TUBB2B: variants seen among roughly 807,000 people sequenced by gnomAD.
TUBB2B encodes tubulin beta 2B class IIb.
TUBB2B carries 5 observed loss-of-function variants against 35.0 expected under a neutral mutation model. That is an observed-to-expected ratio of 0.14 (90% CI 0.07 to 0.30). The LOEUF is 0.30. TUBB2B is among the 10% of genes least tolerant of loss of function. The pLI is 1.00. For missense variants in TUBB2B, 63 were observed against 601.8 expected, an observed-to-expected ratio of 0.10 and a Z score of 9.37; for synonymous variants, 166 against 250.5, an observed-to-expected ratio of 0.66 and a Z score of 3.18.
In TUBB2B at chr6:3,226,891, G is replaced by T. The variant is rs968493232; in HGVS notation, c.58-222C>A. Among the ~76,000 whole-genome samples the T allele has an allele frequency of 3.3e-4, 50 of 152,206 alleles. No individual in the cohort carries two copies. Among genetic ancestry groups the T allele is most frequent in the South Asian group, 6.2e-4 (3 of 4,832 alleles). ...AAACAGCTGCCGCTCGCGGGGGGAG[G>T]TAGGGGTCGAGGGGGTAAGGACCAG... On this transcript the variant is annotated intron_variant, in intron 1 of 3. Coordinates refer to ENST00000259818, the MANE Select transcript of TUBB2B (RefSeq NM_178012.5). This position sits in a 1 kb window ranked among gnomAD's most constrained non-coding sequence, Gnocchi z 5.5.
At position 3,226,753 on chromosome 6, in the gene TUBB2B, C is replaced by T. The variant is rs185618266; in HGVS notation, c.58-84G>A. On this transcript the variant is annotated intron_variant, in intron 1 of 3. Transcript: ENST00000259818. This position sits in a 1 kb window ranked among gnomAD's most constrained non-coding sequence, Gnocchi z 5.5. ...CAATGAAATGTCCCCGACTCAGTTC[C>T]GACAACCCAACATTTCAGGAGCTTG... The T allele has an allele frequency of 6.9e-5, 81 of 1,181,486 alleles. No homozygotes were observed. The African/African-American group carries it at 9.5e-4, about 14-fold the overall frequency. The allele number at this position is 1,181,486 out of a possible 1,614,324, so 73.2% of individuals were successfully genotyped here.
Position 3,226,705 on chromosome 6 carries a change from G to A in TUBB2B, c.58-36C>T. The A allele has an allele frequency of 1.9e-6, 3 of 1,552,226 alleles. No homozygotes were observed. The highest frequency in any genetic ancestry group is 2.7e-6 in the Non-Finnish European group (3 of 1,123,532). On this transcript the variant is annotated intron_variant, in intron 1 of 3. Coordinates refer to ENST00000259818, the MANE Select transcript of TUBB2B (RefSeq NM_178012.5). The surrounding 1 kb of genome is among the most constrained non-coding windows in gnomAD (Gnocchi z 5.5). ...AAGGCTGCATTTAGCCATGAACGAT[G>A]CCCCCAGAAACGCCAAGGCTCACAA...
chr6:3,226,147 C>T lies in TUBB2B; in HGVS notation c.277+12G>A, dbSNP rs1394526734. 1.2e-6 allele frequency: 2 copies of T among 1,610,860 alleles called. No homozygotes were observed. Among genetic ancestry groups the T allele is most frequent in the South Asian group, 1.1e-5 (1 of 90,996 alleles). On this transcript the variant is annotated intron_variant, in intron 3 of 3. Transcript: ENST00000259818. This position sits in a 1 kb window ranked among gnomAD's most constrained non-coding sequence, Gnocchi z 5.5. ...TGAATCCCTCATGCTCTCAGCCACACCAGGCACTCACCAAACACGAAATTG... is the reference window on the plus strand; with the variant it reads ...TGAATCCCTCATGCTCTCAGCCACATCAGGCACTCACCAAACACGAAATTG...
chr6:3,227,645 C>T lies in TUBB2B; in HGVS notation c.-102G>A. The stretch of plus-strand genomic sequence containing the variant: ...CACCGGGAAGGCGCTCGGGAACCGA[C>T]GGGCTGAGAGCGCCGGCCCCGCGGG... On this transcript the variant is annotated 5_prime_UTR_variant, in exon 1 of 4. Coordinates refer to ENST00000259818, the MANE Select transcript of TUBB2B (RefSeq NM_178012.5). The surrounding 1 kb of genome is among the most constrained non-coding windows in gnomAD (Gnocchi z 7.8). 4 of 1,519,706 alleles carry T rather than the reference C, an allele frequency of 2.6e-6. No homozygotes were observed. Among genetic ancestry groups the T allele is most frequent in the African/African-American group, 1.4e-5 (1 of 72,564 alleles). The allele number at this position is 1,519,706 out of a possible 1,614,324, so 94.1% of individuals were successfully genotyped here. A position where few individuals can be genotyped will look rare whatever the true frequency, so the allele number is the denominator to read the frequency against.
Position 3,224,632 on chromosome 6 carries a change from C to T in TUBB2B, c.*119G>A. On this transcript the variant is annotated 3_prime_UTR_variant, in exon 4 of 4. Transcript: ENST00000259818. ...GCAACAGTGAAGAGCACCAGAGACC[C>T]AGCGCACACCTAAAGTAGACCATGC... The T allele has an allele frequency of 6.8e-7, 1 of 1,460,316 alleles. No homozygotes were observed. The highest frequency in any genetic ancestry group is 9.3e-7 in the Non-Finnish European group (1 of 1,078,626). 90.5% of individuals were successfully genotyped at this position (1,460,316 alleles called of 1,614,324 possible). A position where few individuals can be genotyped will look rare whatever the true frequency, so the allele number is the denominator to read the frequency against.
At position 3,226,895 on chromosome 6, in the gene TUBB2B, G is replaced by A. The variant is rs1000376011; in HGVS notation, c.58-226C>T. On this transcript the variant is annotated intron_variant, in intron 1 of 3. Coordinates refer to ENST00000259818, the MANE Select transcript of TUBB2B (RefSeq NM_178012.5). This position sits in a 1 kb window ranked among gnomAD's most constrained non-coding sequence, Gnocchi z 5.5. ...AGCTGCCGCTCGCGGGGGGAGGTAG[G>A]GGTCGAGGGGGTAAGGACCAGCCAA... is the stretch of plus-strand genomic sequence containing the variant. Among the ~76,000 whole-genome samples, 8 of 152,140 alleles carry A rather than the reference G, an allele frequency of 5.3e-5. No homozygotes were observed. Among genetic ancestry groups the A allele is most frequent in the African/African-American group, 1.7e-4 (7 of 41,442 alleles).
rs767264363 is a variant in TUBB2B at position 3,226,529 on chromosome 6, G to A, written c.166+32C>T. 6 of 1,592,044 alleles carry A rather than the reference G, an allele frequency of 3.8e-6. No homozygotes were observed. The East Asian group carries it at 1.1e-4, about 30-fold the overall frequency. ...GGAAAGGGGAGAAGGTGGAAAAACTGAAGGGAGTGGGGGTGGGGCAAGGGT... is the reference window on the plus strand; with the variant it reads ...GGAAAGGGGAGAAGGTGGAAAAACTAAAGGGAGTGGGGGTGGGGCAAGGGT... On this transcript the variant is annotated intron_variant, in intron 2 of 3. Transcript: ENST00000259818. This position sits in a 1 kb window ranked among gnomAD's most constrained non-coding sequence, Gnocchi z 5.5.
chr6:3,226,731 T>A lies in TUBB2B; in HGVS notation c.58-62A>T. On this transcript the variant is annotated intron_variant, in intron 1 of 3. Coordinates refer to ENST00000259818, the MANE Select transcript of TUBB2B (RefSeq NM_178012.5). This position sits in a 1 kb window ranked among gnomAD's most constrained non-coding sequence, Gnocchi z 5.5. ...CCCCCAGAAACGCCAAGGCTCACAA[T>A]GAAATGTCCCCGACTCAGTTCCGAC... 3 of 1,384,008 alleles carry A rather than the reference T, an allele frequency of 2.2e-6. No individual in the cohort carries two copies. In the South Asian group the frequency reaches 3.5e-5, roughly 16 times the overall value. 85.7% of individuals were successfully genotyped at this position (1,384,008 alleles called of 1,614,324 possible). A position where few individuals can be genotyped will look rare whatever the true frequency, so the allele number is the denominator to read the frequency against.
chr6:3,226,532 G>C lies in TUBB2B; in HGVS notation c.166+29C>G. 6.3e-7 allele frequency: 1 copy of C among 1,595,232 alleles called. No individual in the cohort carries two copies. The highest frequency in any genetic ancestry group is 8.6e-7 in the Non-Finnish European group (1 of 1,162,662). ...AAGGGGAGAAGGTGGAAAAACTGAA[G>C]GGAGTGGGGGTGGGGCAAGGGTGAT... On this transcript the variant is annotated intron_variant, in intron 2 of 3. Transcript: ENST00000259818. The surrounding 1 kb of genome is among the most constrained non-coding windows in gnomAD (Gnocchi z 5.5).
rs1427241962 is a variant in TUBB2B, at chr6:3,224,731, A to AACCC, written c.*16_*19dup. ...CTCGCTTTCCTCCTCCGCTTTCCCT[A>AACCC]ACCCGTCTCGCGGGGGCATCTACGC... is the stretch of plus-strand genomic sequence containing the variant. On this transcript the variant is annotated 3_prime_UTR_variant, in exon 4 of 4. Transcript: ENST00000259818. The AACCC allele has an allele frequency of 6.2e-7, 1 of 1,613,436 alleles. No individual in the cohort carries two copies. The highest frequency in any genetic ancestry group is 2.2e-5 in the East Asian group (1 of 44,884).
At position 3,224,756 on chromosome 6, in the gene TUBB2B, C is replaced by T. The variant is rs754991775; in HGVS notation, c.1333G>A (p.Ala445Thr). 2 of 1,614,036 alleles carry T rather than the reference C, an allele frequency of 1.2e-6. No individual in the cohort carries two copies. Among genetic ancestry groups the T allele is most frequent in the African/African-American group, 1.3e-5 (1 of 75,040 alleles). Residue 445 changes from alanine to threonine, a missense_variant, in exon 4 of 4, where the codon GCG becomes ACG. By Grantham distance (58) the Ala-to-Thr change is moderately conservative. This residue lies in a region of TUBB2B where 14 missense variants were observed against 16.2 expected (regional missense o/e 0.86). Coordinates refer to ENST00000259818, the MANE Select transcript of TUBB2B (RefSeq NM_178012.5). ...AACCCGTCTCGCGGGGGCATCTACG[C>T]CTCGTCCTCGCCCTCCTCCTCCTCG... Reference protein sequence around the residue: ...EFEEEEGEDEA With the variant: ...EFEEEEGEDET
rs768845202 is a variant in TUBB2B, at chr6:3,226,277, GAAC to G, written c.167-11_167-9del. On this transcript the variant is annotated splice_polypyrimidine_tract_variant and intron_variant, in intron 2 of 3. Transcript: ENST00000259818. This position sits in a 1 kb window ranked among gnomAD's most constrained non-coding sequence, Gnocchi z 5.5. ...GAGGAACATATTTGTTACCTGCAAG[GAAC>G]AACAGTGACTTAGACCCTCAGGCAA... The G allele has an allele frequency of 3.7e-6, 6 of 1,609,198 alleles. No individual in the cohort carries two copies. Among genetic ancestry groups the G allele is most frequent in the Non-Finnish European group, 5.1e-6 (6 of 1,175,888 alleles).
rs13217575 is a variant in TUBB2B, at chr6:3,226,849, C to A, written c.58-180G>T. Among the ~76,000 whole-genome samples the A allele has an allele frequency of 0.024, 3,726 of 152,208 alleles. 70 individuals are homozygous for A. The highest frequency in any genetic ancestry group is 0.065 in the South Asian group (313 of 4,814). ...ATTTTGCAGGTTCAGAAAGTTGAAA[C>A]TGGGCGTTTCCCAGGCAAACAGCTG... On this transcript the variant is annotated intron_variant, in intron 1 of 3. Coordinates refer to ENST00000259818, the MANE Select transcript of TUBB2B (RefSeq NM_178012.5). This position sits in a 1 kb window ranked among gnomAD's most constrained non-coding sequence, Gnocchi z 5.5.
rs563673159 is a variant in TUBB2B, at chr6:3,224,476, A to G, written c.*275T>C. The stretch of plus-strand genomic sequence containing the variant: ...TAAATCGTTAATAAAGAGAAAAAGG[A>G]AGAGAAAGAGAGGACACCATTCCGA... On this transcript the variant is annotated 3_prime_UTR_variant, in exon 4 of 4. Transcript: ENST00000259818. 1 of 577,008 alleles carries G rather than the reference A, an allele frequency of 1.7e-6. No homozygotes were observed. The highest frequency in any genetic ancestry group is 2.2e-5 in the South Asian group (1 of 44,454). The allele number at this position is 577,008 out of a possible 1,614,324, so 35.7% of individuals were successfully genotyped here. A position where few individuals can be genotyped will look rare whatever the true frequency, so the allele number is the denominator to read the frequency against.
In TUBB2B at chr6:3,227,582, G is replaced by A. The variant is rs373510707; in HGVS notation, c.-39C>T. ...CGTCCTCCTGGTCCGGCGGCGTCTG[G>A]GTCTGTCCGTCCTCCCCTCACACAC... is the stretch of plus-strand genomic sequence containing the variant. On this transcript the variant is annotated 5_prime_UTR_variant, in exon 1 of 4. Transcript: ENST00000259818. The surrounding 1 kb of genome is among the most constrained non-coding windows in gnomAD (Gnocchi z 7.8). 1 of 1,608,028 alleles carries A rather than the reference G, an allele frequency of 6.2e-7. No homozygotes were observed. Among genetic ancestry groups the A allele is most frequent in the Non-Finnish European group, 8.5e-7 (1 of 1,178,858 alleles).
In TUBB2B at chr6:3,227,009, C is replaced by T. The variant is rs1048112834; in HGVS notation, c.58-340G>A. 2.0e-5 allele frequency among the ~76,000 whole-genome samples: 3 copies of T among 152,114 alleles called. No individual in the cohort carries two copies. Among genetic ancestry groups the T allele is most frequent in the South Asian group, 2.1e-4 (1 of 4,826 alleles). On this transcript the variant is annotated intron_variant, in intron 1 of 3. Coordinates refer to ENST00000259818, the MANE Select transcript of TUBB2B (RefSeq NM_178012.5). The surrounding 1 kb of genome is among the most constrained non-coding windows in gnomAD (Gnocchi z 7.8). ...CACAGGGACTGCAGCCCGCCAGGAG[C>T]GGGTGGGCGGGGAAAGAGGAACGCA...
At position 3,225,666 on chromosome 6, in the gene TUBB2B, G is replaced by GC; in HGVS notation, c.422dup (p.Gly142ArgfsTer57). The GC allele has an allele frequency of 6.2e-7, 1 of 1,601,052 alleles. No homozygotes were observed. The stretch of plus-strand genomic sequence containing the variant: ...GGGTGCCCATCCCGGACCCCGTGCC[G>GC]CCCCCCAGAGAGTGGGTCAGCTGGA... On this transcript the variant is annotated frameshift_variant, in exon 4 of 4. Transcript: ENST00000259818. LOFTEE classifies it high-confidence loss of function.
Position 3,224,700 on chromosome 6 carries a change from C to G in TUBB2B, c.*51G>C. The G allele has an allele frequency of 1.1e-5, 17 of 1,609,228 alleles. No individual in the cohort carries two copies. The highest frequency in any genetic ancestry group is 2.2e-5 in the East Asian group (1 of 44,804). On this transcript the variant is annotated 3_prime_UTR_variant, in exon 4 of 4. Transcript: ENST00000259818. ...CAGGTTATCGTCCCGGGAAGCCCCCCACCCCCTCGCTTTCCTCCTCCGCTT... is the reference window on the plus strand; with the variant it reads ...CAGGTTATCGTCCCGGGAAGCCCCCGACCCCCTCGCTTTCCTCCTCCGCTT...
Position 3,224,678 on chromosome 6 carries a change from G to T in TUBB2B, c.*73C>A. ...CATGCTTCTTTCCTTCCACTGCCAG[G>T]TTATCGTCCCGGGAAGCCCCCCACC... On this transcript the variant is annotated 3_prime_UTR_variant, in exon 4 of 4. Transcript: ENST00000259818. 3 of 1,595,890 alleles carry T rather than the reference G, an allele frequency of 1.9e-6. No individual in the cohort carries two copies. Among genetic ancestry groups the T allele is most frequent in the Non-Finnish European group, 2.6e-6 (3 of 1,169,496 alleles).
Sources: allele counts gnomAD v4.1 joint callset (sites outside exome capture counted in the v4.1 genomes callset), GRCh38; gene constraint gnomAD v4.1.1; regional missense constraint gnomAD v4.1.1; non-coding constraint Gnocchi (gnomAD v3.1); transcripts MANE v1.5; gene names NCBI Gene and HGNC (gene_info 2026-07-23, HGNC 2026-07-21).